PKN2: variants seen among roughly 807,000 people sequenced by gnomAD.
The protein encoded by PKN2 is protein kinase N2.
In PKN2, 38 loss-of-function variants were observed where a neutral mutation model predicts 119.1. The ratio of observed to expected loss-of-function variants is 0.32; its 90% CI spans 0.25 to 0.42. PKN2 has a LOEUF of 0.42. PKN2 is among the 10% of genes least tolerant of loss of function. The pLI, the probability that PKN2 is intolerant of heterozygous loss-of-function variation, is 1.00. For missense variants in PKN2, 850 were observed against 1,165.1 expected, an observed-to-expected ratio of 0.73 and a Z score of 3.94; for synonymous variants, 390 against 384.9, an observed-to-expected ratio of 1.01 and a Z score of -0.15.
chr1:88,771,894 G>A lies in PKN2; in HGVS notation c.985+15G>A. 1 of 1,552,700 alleles carries A rather than the reference G, an allele frequency of 6.4e-7. No individual in the cohort carries two copies. Among genetic ancestry groups the A allele is most frequent in the East Asian group, 2.3e-5 (1 of 44,304 alleles). ...AGCACTAACAGGTATGTAGTGTATA[G>A]CCATTGTTTTTTGTGTGTATTTTTG... is the stretch of plus-strand genomic sequence containing the variant. On this transcript the variant is annotated intron_variant, in intron 6 of 21. Transcript: ENST00000370521.
chr1:88,747,163 TAGAC>T (rs1412053746), intron 2 of PKN2, among the ~76,000 whole-genome samples: 3 of 152,104 alleles, frequency 2.0e-5, no homozygotes, highest in Non-Finnish European at 2.9e-5. Flanking sequence ...AAGTTTTAGT[TAGAC>T]AGGAGGAATA....
intron 18 of PKN2, among the ~76,000 whole-genome samples, chr1:88,828,088 G>A (rs898938430): frequency 6.6e-6 from 1 of 151,914 alleles, no homozygotes; most frequent in Admixed American, 6.6e-5. Context: ...TTGCTTTTTG[G>A]TATTTTTGAA....
intron 2 of PKN2, among the ~76,000 whole-genome samples, chr1:88,749,403 C>CAAAA (rs11430270): frequency 1.7e-5 from 2 of 116,776 alleles, no homozygotes; most frequent in South Asian, 2.7e-4. Context: ...GACTCCGTCT[C>CAAAA]AAAAAAAAAA....
chr1:88,690,694 A>G (rs1174424909), intron 1 of PKN2, among the ~76,000 whole-genome samples: 1 of 152,212 alleles, frequency 6.6e-6, no homozygotes, highest in Non-Finnish European at 1.5e-5. Context: ...CTCTATTATC[A>G]TACTTGGTTT....
intron 19 of PKN2, among the ~76,000 whole-genome samples, chr1:88,830,325 T>G (rs1672680641): frequency 6.6e-6 from 1 of 152,098 alleles, no homozygotes; most frequent in African/African-American, 2.4e-5. Flanking sequence ...TGTTGTGCAG[T>G]GTTTAGGTTG....
At chr1:88,782,059 T>C (rs1047840716) in intron 6 of PKN2, among the ~76,000 whole-genome samples, 1 of 152,114 alleles carries the variant, frequency 6.6e-6, no homozygotes, top group Non-Finnish European at 1.5e-5. Flanking sequence ...TATGCCTATT[T>C]CACCATCATC....
At chr1:88,825,249 T>C (rs1672453382) in intron 18 of PKN2, among the ~76,000 whole-genome samples, 1 of 152,228 alleles carries the variant, frequency 6.6e-6, no homozygotes, top group African/African-American at 2.4e-5. Flanking sequence ...TATTGGACAC[T>C]GTTCCTCTAA....
At chr1:88,765,190 A>G (rs930581472) in intron 3 of PKN2, among the ~76,000 whole-genome samples, 8 of 151,474 alleles carry the variant, frequency 5.3e-5, no homozygotes, top group Non-Finnish European at 1.0e-4. Context: ...GGCCCTCCCA[A>G]AGTGCTAGGA....
intron 1 of PKN2, among the ~76,000 whole-genome samples, chr1:88,733,462 T>G (rs1412060703): frequency 6.6e-6 from 1 of 152,232 alleles, no homozygotes; most frequent in Non-Finnish European, 1.5e-5. Flanking sequence ...TTCATACACC[T>G]GTGGGTTGTT....
chr1:88,814,185 T>A (rs2100897074), intron 16 of PKN2, among the ~76,000 whole-genome samples: 1 of 152,324 alleles, frequency 6.6e-6, no homozygotes, highest in Middle Eastern at 3.4e-3. Context: ...TTTGCGTCCT[T>A]GTGCGTAAAA....
At position 88,804,345 on chromosome 1, in the gene PKN2, A is replaced by G. The variant is rs760280217; in HGVS notation, c.1282-46A>G. On this transcript the variant is annotated intron_variant, in intron 8 of 21. Coordinates refer to ENST00000370521, the MANE Select transcript of PKN2 (RefSeq NM_006256.4). ...GATATTTTATTCAAGTGTGTGTCCAATGATGTCTTTTCTGTTTTCTTTATT... is the reference window on the plus strand; with the variant it reads ...GATATTTTATTCAAGTGTGTGTCCAGTGATGTCTTTTCTGTTTTCTTTATT... The G allele has an allele frequency of 2.5e-5, 35 of 1,419,978 alleles. No homozygotes were observed. The East Asian group carries it at 3.9e-4, about 16-fold the overall frequency. The allele number at this position is 1,419,978 out of a possible 1,614,324, so 88.0% of individuals were successfully genotyped here.
At chr1:88,799,198 T>C (rs897552904) in intron 8 of PKN2, among the ~76,000 whole-genome samples, 6 of 152,188 alleles carry the variant, frequency 3.9e-5, no homozygotes, top group Non-Finnish European at 5.9e-5. Context: ...GTCTTTCCTA[T>C]AAAGGGAGCA....
At chr1:88,827,406 TTA>T (rs1296356972) in intron 18 of PKN2, among the ~76,000 whole-genome samples, 4 of 152,040 alleles carry the variant, frequency 2.6e-5, no homozygotes, top group African/African-American at 7.2e-5. Context: ...AACACAAAAT[TTA>T]TATATGTTTC....
chr1:88,806,733 T>G (rs2100878863), intron 12 of PKN2, among the ~76,000 whole-genome samples: 1 of 152,228 alleles, frequency 6.6e-6, no homozygotes, highest in African/African-American at 2.4e-5. Flanking sequence ...TTTTGTTTTG[T>G]TTTGAGACGG....
Position 88,810,709 on chromosome 1 carries a change from C to T in PKN2, c.2103-2848C>T, listed in dbSNP as rs546549971. Among the ~76,000 whole-genome samples the T allele has an allele frequency of 1.2e-3, 175 of 151,954 alleles. 1 individual carries two copies. Among genetic ancestry groups the T allele is most frequent in the Middle Eastern group, 3.4e-3 (1 of 292 alleles). The stretch of plus-strand genomic sequence containing the variant: ...ACAACCTCCGCCTCCCGGGTTCAAG[C>T]GATTCTCCTTCCTTAGCCTCCCAAG... On this transcript the variant is annotated intron_variant, in intron 15 of 21. Transcript: ENST00000370521.
intron 1 of PKN2, among the ~76,000 whole-genome samples, chr1:88,697,184 C>T (rs1016309333): frequency 3.9e-5 from 6 of 152,072 alleles, no homozygotes; most frequent in Admixed American, 1.3e-4. Flanking sequence ...AATAATATAT[C>T]ACTTAATATG....
chr1:88,750,469 G>A (rs1382984267), intron 2 of PKN2, among the ~76,000 whole-genome samples: 1 of 152,146 alleles, frequency 6.6e-6, no homozygotes, highest in Non-Finnish European at 1.5e-5. Flanking sequence ...TTTGGGGGAA[G>A]CTAACAAATT....
intron 8 of PKN2, among the ~76,000 whole-genome samples, chr1:88,790,936 G>C (rs923978816): frequency 1.3e-5 from 2 of 151,880 alleles, no homozygotes; most frequent in Non-Finnish European, 2.9e-5. Flanking sequence ...TTGTTGTTTA[G>C]TTTTTGAAAA....
intron 6 of PKN2, chr1:88,781,291 G>T: frequency 1.3e-5 from 4 of 303,676 alleles, no homozygotes; most frequent in East Asian, 1.5e-4. Flanking sequence ...CTTTGAATAA[G>T]GTATAATTGT....
Sources: gnomAD v4.1 joint callset for allele counts (sites outside exome capture counted in the v4.1 genomes callset) on GRCh38, gnomAD v4.1.1 for gene constraint, MANE v1.5 for transcripts, NCBI Gene and HGNC (gene_info 2026-07-23, HGNC 2026-07-21) for gene names.